RARB: variants seen among roughly 807,000 people sequenced by gnomAD.
RARB encodes HBV-activated protein.
RARB carries 17 observed loss-of-function variants against 51.9 expected under a neutral mutation model. That is an observed-to-expected ratio of 0.33 (90% confidence interval 0.22 to 0.49). The LOEUF is 0.49. Ranked by LOEUF, RARB falls within the 20% of genes least tolerant of loss-of-function variation. The pLI, the probability that RARB is intolerant of heterozygous loss-of-function variation, is 0.99. For synonymous variants in RARB, 215 were observed against 195.4 expected, an observed-to-expected ratio of 1.10 and a Z score of -0.84; for missense variants, 369 against 550.8, an observed-to-expected ratio of 0.67 and a Z score of 3.30.
chr3:24,994,536 G>C (rs1055857057), intron 2 of RARB, among the ~76,000 whole-genome samples: 1 of 151,962 alleles, frequency 6.6e-6, no homozygotes. Flanking sequence ...TTTGTTGTCT[G>C]TGCTTTTCAG....
chr3:24,941,678 T>G (rs1425203554), intron 2 of RARB, among the ~76,000 whole-genome samples: 1 of 152,208 alleles, frequency 6.6e-6, no homozygotes, highest in African/African-American at 2.4e-5. Context: ...TAAAAGGCAG[T>G]CTTTCAAACA....
intron 2 of RARB, among the ~76,000 whole-genome samples, chr3:24,964,969 T>TA (rs1471539860): frequency 2.0e-5 from 3 of 152,212 alleles, no homozygotes; most frequent in African/African-American, 7.2e-5. Flanking sequence ...ATACAGTGAT[T>TA]AAAAGTATTG....
In RARB at chr3:25,393,425, C is replaced by T. The variant is rs192478173; in HGVS notation, c.179-67768C>T. Among the ~76,000 whole-genome samples the T allele has an allele frequency of 3.0e-3, 457 of 152,054 alleles. 1 individual carries two copies. Among genetic ancestry groups the T allele is most frequent in the Admixed American group, 7.0e-3 (106 of 15,238 alleles). On this transcript the variant is annotated intron_variant, in intron 5 of 11. Coordinates refer to the RARB transcript ENST00000383772. ...TCATAAAATGATTTAGGGAGGATTT[C>T]CTCTTTCTCTGTCTTTTGTAATAGT...
At chr3:25,051,170 C>A (rs1698325103) in intron 2 of RARB, among the ~76,000 whole-genome samples, 1 of 152,130 alleles carries the variant, frequency 6.6e-6, no homozygotes, top group South Asian at 2.1e-4. Flanking sequence ...GTCTGATTAT[C>A]ACAGAGGAAA....
chr3:25,385,027 G>A (rs770256721), intron 5 of RARB, among the ~76,000 whole-genome samples: 10 of 152,112 alleles, frequency 6.6e-5, no homozygotes, highest in Non-Finnish European at 1.5e-4. Context: ...CATACATTGA[G>A]TTGTACCCCC....
intron 2 of RARB, among the ~76,000 whole-genome samples, chr3:24,996,902 A>G (rs1461398812): frequency 2.6e-5 from 4 of 152,132 alleles, no homozygotes. Context: ...AGAATATTCC[A>G]TGTATTTATG....
chr3:25,314,346 T>G (rs1007715324), intron 5 of RARB, among the ~76,000 whole-genome samples: 1 of 152,214 alleles, frequency 6.6e-6, no homozygotes. Flanking sequence ...ACTTTTTTAT[T>G]ATTGACAATT....
Position 25,510,411 on chromosome 3 carries a change from G to A in RARB, c.448+9088G>A, listed in dbSNP as rs528727265. Among the ~76,000 whole-genome samples, 3 of 152,208 alleles carry A rather than the reference G, an allele frequency of 2.0e-5. No homozygotes were observed. In the East Asian group the frequency reaches 5.8e-4, roughly 29 times the overall value. On this transcript the variant is annotated intron_variant, in intron 3 of 7. Transcript: ENST00000330688. ...GGCTGAGGTGGGTAGATCACTTGAG[G>A]TCAGGAGTTTGAGACCAGCCTGGGC...
chr3:25,442,087 G>A (rs1369288056), intron 1 of RARB, among the ~76,000 whole-genome samples: 2 of 147,288 alleles, frequency 1.4e-5, no homozygotes, highest in East Asian at 3.9e-4. Flanking sequence ...TAATACAGCT[G>A]AGGAAGTGAC....
intron 3 of RARB, among the ~76,000 whole-genome samples, chr3:25,106,468 G>GTTTT (rs1239064966): frequency 8.8e-6 from 1 of 113,996 alleles, no homozygotes; most frequent in African/African-American, 3.7e-5. Context: ...GTTTTTTTTT[G>GTTTT]TTTTGTTTTT....
intron 5 of RARB, among the ~76,000 whole-genome samples, chr3:25,320,177 T>C (rs1704530090): frequency 6.6e-6 from 1 of 152,144 alleles, no homozygotes; most frequent in African/African-American, 2.4e-5. Context: ...ATCTTTAGGA[T>C]TCCTCTCCAC....
chr3:25,517,776 A>G (rs1559446901), intron 3 of RARB, among the ~76,000 whole-genome samples: 2 of 152,238 alleles, frequency 1.3e-5, no homozygotes, highest in African/African-American at 2.4e-5. Context: ...CAAGTAAAAT[A>G]TGATATATCC....
intron 5 of RARB, among the ~76,000 whole-genome samples, chr3:25,227,734 T>C (rs938910866): frequency 4.6e-5 from 7 of 152,162 alleles, no homozygotes; most frequent in Non-Finnish European, 7.4e-5. Flanking sequence ...AAGTCTCTGC[T>C]ATATTTACAT....
At chr3:25,048,084 C>G (rs938879896) in intron 2 of RARB, among the ~76,000 whole-genome samples, 3 of 152,186 alleles carry the variant, frequency 2.0e-5, no homozygotes, top group African/African-American at 7.2e-5. Flanking sequence ...ATTGTGAGGC[C>G]TCTCCAGCCA....
intron 5 of RARB, among the ~76,000 whole-genome samples, chr3:25,390,682 CT>C (rs767034790): frequency 2.0e-5 from 3 of 152,050 alleles, no homozygotes; most frequent in Non-Finnish European, 4.4e-5. Flanking sequence ...CAAGTTTGGG[CT>C]TCACAGTAAT....
At chr3:25,019,211 A>G (rs1697576558) in intron 2 of RARB, among the ~76,000 whole-genome samples, 1 of 152,170 alleles carries the variant, frequency 6.6e-6, no homozygotes, top group Non-Finnish European at 1.5e-5. Context: ...AGGATTGTGG[A>G]ATGTTATTGT....
intron 3 of RARB, among the ~76,000 whole-genome samples, chr3:25,122,132 C>A (rs1699794103): frequency 6.6e-6 from 1 of 152,142 alleles, no homozygotes; most frequent in South Asian, 2.1e-4. Context: ...CCAGATCTCA[C>A]ACTACACCCC....
At chr3:25,340,001 G>C (rs1196709273) in intron 5 of RARB, among the ~76,000 whole-genome samples, 1 of 152,114 alleles carries the variant, frequency 6.6e-6, no homozygotes, top group Non-Finnish European at 1.5e-5. Flanking sequence ...GTCCTGAATT[G>C]GTTTAAAGAC....
intron 5 of RARB, among the ~76,000 whole-genome samples, chr3:25,263,545 A>G (rs184769194): frequency 4.6e-5 from 7 of 152,312 alleles, no homozygotes; most frequent in Admixed American, 3.9e-4. Context: ...TAAGAAGAGA[A>G]CTGAGTGAAT....
Sources: gnomAD v4.1 joint callset for allele counts (sites outside exome capture counted in the v4.1 genomes callset) on GRCh38, gnomAD v4.1.1 for gene constraint, MANE v1.5 for transcripts, NCBI Gene and HGNC (gene_info 2026-07-23, HGNC 2026-07-21) for gene names.